PCDHGA12: variants seen among roughly 807,000 people sequenced by gnomAD.
PCDHGA12 encodes the protein protocadherin gamma subfamily A, 12, also known as protocadherin gamma-A12.
In PCDHGA12, 43 loss-of-function variants were observed where a neutral mutation model predicts 61.1. The observed-to-expected ratio is 0.70, with a 90% CI of 0.55 to 0.91. The LOEUF is 0.91. Ranked by LOEUF, PCDHGA12 falls within the 40% of genes least tolerant of loss-of-function variation. The probability of loss-of-function intolerance (pLI) is 0.00; values close to 1 mark genes in which losing one functional copy is unlikely to be tolerated. For synonymous variants in PCDHGA12, 520 were observed against 542.9 expected, an observed-to-expected ratio of 0.96 and a Z score of 0.59; for missense variants, 1,236 against 1,227.7, an observed-to-expected ratio of 1.01 and a Z score of -0.10.
chr5:141,450,454 G>A (rs144071286), intron 1 of PCDHGA12, among the ~76,000 whole-genome samples: 3,498 of 151,958 alleles, frequency 0.023, 60 homozygotes, highest in Middle Eastern at 0.051. Flanking sequence ...ATGTTTCCTC[G>A]TGATTTTATA....
intron 1 of PCDHGA12, among the ~76,000 whole-genome samples, chr5:141,474,085 AAAAC>A (rs937548165): frequency 1.3e-5 from 2 of 152,188 alleles, no homozygotes; most frequent in African/African-American, 4.8e-5. Flanking sequence ...CAAAAACCAA[AAAAC>A]AAACAACAAC....
chr5:141,506,459 A>G (rs1159808052), intron 3 of PCDHGA12, among the ~76,000 whole-genome samples: 4 of 151,918 alleles, frequency 2.6e-5, no homozygotes, highest in Non-Finnish European at 4.4e-5. Context: ...AAAAAAAAAA[A>G]AAAAAAGAGC....
chr5:141,489,111 C>G lies in PCDHGA12; in HGVS notation c.2425-5696C>G. 1.9e-6 allele frequency: 1 copy of G among 518,042 alleles called. No individual in the cohort carries two copies. Among genetic ancestry groups the G allele is most frequent in the Non-Finnish European group, 3.2e-6 (1 of 308,182 alleles). The allele number at this position is 518,042 out of a possible 1,614,324, so 32.1% of individuals were successfully genotyped here. The stretch of plus-strand genomic sequence containing the variant: ...GTGACTAAGAACTGCTGCAAGCAGG[C>G]AAACCTCCGAGCAGTTTTTAAGAGG... On this transcript the variant is annotated intron_variant, in intron 1 of 3. Coordinates refer to ENST00000252085, the MANE Select transcript of PCDHGA12 (RefSeq NM_003735.3). This position sits in a 1 kb window ranked among gnomAD's most constrained non-coding sequence, Gnocchi z 4.5.
rs887814386 is a variant in PCDHGA12, at chr5:141,431,347, G to A, written c.588G>A (p.Leu196=). The A allele has an allele frequency of 1.9e-6, 3 of 1,614,098 alleles. No individual in the cohort carries two copies. The highest frequency in any genetic ancestry group is 2.5e-6 in the Non-Finnish European group (3 of 1,180,036). Residue 196 remains leucine, a synonymous_variant, in exon 1 of 4, where the codon CTG becomes CTA. Coordinates refer to ENST00000252085, the MANE Select transcript of PCDHGA12 (RefSeq NM_003735.3). This position sits in a 1 kb window ranked among gnomAD's most constrained non-coding sequence, Gnocchi z 4.8. ...ADGSKYPELV[L]KRALDREEKA... is the part of the protein sequence containing the mutation. ...GTAGTAAGTACCCCGAATTGGTGCT[G>A]AAACGCGCCCTGGACCGCGAAGAAA...
chr5:141,491,199 C>T lies in PCDHGA12; in HGVS notation c.2425-3608C>T. ...TGGTCCTGGTGAGGGACAATGGTGA[C>T]CCTTCACTCTCCTCCACAGCCACAG... On this transcript the variant is annotated intron_variant, in intron 1 of 3. Coordinates refer to ENST00000252085, the MANE Select transcript of PCDHGA12 (RefSeq NM_003735.3). The surrounding 1 kb of genome is among the most constrained non-coding windows in gnomAD (Gnocchi z 6.9). 1 of 1,614,190 alleles carries T rather than the reference C, an allele frequency of 6.2e-7. No homozygotes were observed. Among genetic ancestry groups the T allele is most frequent in the South Asian group, 1.1e-5 (1 of 91,086 alleles).
chr5:141,456,139 C>T (rs999574407), intron 1 of PCDHGA12, among the ~76,000 whole-genome samples: 20 of 152,010 alleles, frequency 1.3e-4, no homozygotes, highest in Admixed American at 9.8e-4. Context: ...CCTCCTGATC[C>T]GCCCGCCTCG....
In PCDHGA12 at chr5:141,493,269, C is replaced by T. The variant is rs142898207; in HGVS notation, c.2425-1538C>T. ...ACATGCCTCTCTTATAACAGCTTCA[C>T]AGAGGTCAAGTGACTTGCTCAAGTT... is the stretch of plus-strand genomic sequence containing the variant. On this transcript the variant is annotated intron_variant, in intron 1 of 3. Coordinates refer to ENST00000252085, the MANE Select transcript of PCDHGA12 (RefSeq NM_003735.3). This position sits in a 1 kb window ranked among gnomAD's most constrained non-coding sequence, Gnocchi z 4.3. Among the ~76,000 whole-genome samples the T allele has an allele frequency of 1.3e-5, 2 of 152,322 alleles. No individual in the cohort carries two copies. The highest frequency in any genetic ancestry group is 4.8e-5 in the African/African-American group (2 of 41,570).
chr5:141,439,013 A>T lies in PCDHGA12; in HGVS notation c.2424+5830A>T, dbSNP rs2098082221. 1.3e-5 allele frequency among the ~76,000 whole-genome samples: 2 copies of T among 151,700 alleles called. 1 individual carries two copies. The highest frequency in any genetic ancestry group is 1.3e-4 in the Admixed American group (2 of 15,214). On this transcript the variant is annotated intron_variant, in intron 1 of 3. Transcript: ENST00000252085. ...GGCTAAGGACCTGGTTTGTTTGTCA[A>T]ATTTTGAAAATAGATGCCTCAGTTC...
intron 1 of PCDHGA12, among the ~76,000 whole-genome samples, chr5:141,488,225 T>G (rs2099673126): frequency 6.6e-6 from 1 of 152,136 alleles, no homozygotes. Flanking sequence ...CTACTGGGGA[T>G]TTGAACTAGA....
intron 1 of PCDHGA12, among the ~76,000 whole-genome samples, chr5:141,473,191 G>A (rs28479996): frequency 0.019 from 2,957 of 152,242 alleles, 87 homozygotes; most frequent in African/African-American, 0.062. Context: ...AGGAGTAAAT[G>A]TATCTTCTAA....
chr5:141,431,560 C>T lies in PCDHGA12; in HGVS notation c.801C>T (p.Thr267=), dbSNP rs751276470. Residue 267 remains threonine, a synonymous_variant, in exon 1 of 4, where the codon ACC becomes ACT. Coordinates refer to ENST00000252085, the MANE Select transcript of PCDHGA12 (RefSeq NM_003735.3). This position sits in a 1 kb window ranked among gnomAD's most constrained non-coding sequence, Gnocchi z 4.8. ...LGTQLLVVNA[T]DPDEGVNAEV... is the part of the protein sequence containing the mutation. ...CGCAGCTGCTTGTAGTCAACGCTAC[C>T]GACCCTGACGAAGGAGTCAATGCGG... The T allele has an allele frequency of 6.2e-7, 1 of 1,614,104 alleles. No individual in the cohort carries two copies. The highest frequency in any genetic ancestry group is 1.7e-5 in the Admixed American group (1 of 60,036).
In PCDHGA12 at chr5:141,510,834, G is replaced by A. The variant is rs1043468083; in HGVS notation, c.2573-113G>A. 49 of 1,581,762 alleles carry A rather than the reference G, an allele frequency of 3.1e-5. 1 individual carries two copies. The highest frequency in any genetic ancestry group is 4.0e-5 in the Non-Finnish European group (46 of 1,161,670). On this transcript the variant is annotated intron_variant, in intron 3 of 3. Coordinates refer to ENST00000252085, the MANE Select transcript of PCDHGA12 (RefSeq NM_003735.3). ...GACCCCTATATTCCCAGTGCTCAGC[G>A]TGGTCAAGGCCCAGGGTGCTGTATA...
chr5:141,466,118 G>A lies in PCDHGA12; in HGVS notation c.2425-28689G>A, dbSNP rs1299389265. ...GCCTGGGCAACAGAGTGAGACTCCA[G>A]CTCAAAAAAAAAATCAAGTGAAAAC... On this transcript the variant is annotated intron_variant, in intron 1 of 3. Coordinates refer to ENST00000252085, the MANE Select transcript of PCDHGA12 (RefSeq NM_003735.3). Among the ~76,000 whole-genome samples the A allele has an allele frequency of 2.0e-5, 3 of 151,096 alleles. No individual in the cohort carries two copies. The East Asian group carries it at 5.8e-4, about 29-fold the overall frequency.
At chr5:141,450,815 A>ATTAT (rs1554136868) in intron 1 of PCDHGA12, among the ~76,000 whole-genome samples, 98 of 126,742 alleles carry the variant, frequency 7.7e-4, no homozygotes, top group African/African-American at 3.1e-3. Flanking sequence ...TATTTATTTA[A>ATTAT]TATTATTATT....
chr5:141,437,978 C>T (rs1014157103), intron 1 of PCDHGA12, among the ~76,000 whole-genome samples: 2 of 152,212 alleles, frequency 1.3e-5, no homozygotes, highest in East Asian at 1.9e-4. Context: ...TCTTGGGATG[C>T]ACCCACCCCA....
At position 141,491,825 on chromosome 5, in the gene PCDHGA12, C is replaced by A. The variant is rs948385010; in HGVS notation, c.2425-2982C>A. ...CGGCTTGGTCGCTGGCTGCGCTCCA[C>A]CCGATTCTCGGGATCATTGGACCGT... On this transcript the variant is annotated intron_variant, in intron 1 of 3. Coordinates refer to ENST00000252085, the MANE Select transcript of PCDHGA12 (RefSeq NM_003735.3). This position sits in a 1 kb window ranked among gnomAD's most constrained non-coding sequence, Gnocchi z 6.9. 145 of 1,478,052 alleles carry A rather than the reference C, an allele frequency of 9.8e-5. No homozygotes were observed. Among genetic ancestry groups the A allele is most frequent in the Non-Finnish European group, 1.3e-4 (142 of 1,114,822 alleles). 91.6% of individuals were successfully genotyped at this position (1,478,052 alleles called of 1,614,324 possible). A position where few individuals can be genotyped will look rare whatever the true frequency, so the allele number is the denominator to read the frequency against.
chr5:141,500,484 C>T (rs2099800696), intron 2 of PCDHGA12, among the ~76,000 whole-genome samples: 1 of 152,304 alleles, frequency 6.6e-6, no homozygotes, highest in Non-Finnish European at 1.5e-5. Context: ...GCTGGGATTA[C>T]AGGCGTGAGC....
Position 141,489,517 on chromosome 5 carries a change from G to C in PCDHGA12, c.2425-5290G>C. The C allele has an allele frequency of 6.2e-7, 1 of 1,614,136 alleles. No individual in the cohort carries two copies. Among genetic ancestry groups the C allele is most frequent in the Non-Finnish European group, 8.5e-7 (1 of 1,180,044 alleles). On this transcript the variant is annotated intron_variant, in intron 1 of 3. Transcript: ENST00000252085. The surrounding 1 kb of genome is among the most constrained non-coding windows in gnomAD (Gnocchi z 4.5). ...GGCAGTGAATCAAAAGATTGACCGA[G>C]AAAGCCTATGTGGAGCCAGCACCAG...
chr5:141,449,471 G>A (rs1261821886), intron 1 of PCDHGA12, among the ~76,000 whole-genome samples: 1 of 151,060 alleles, frequency 6.6e-6, no homozygotes, highest in African/African-American at 2.4e-5. Flanking sequence ...GCCAGGCCTG[G>A]TACCCCATGC....
Sources: allele counts gnomAD v4.1 joint callset (sites outside exome capture counted in the v4.1 genomes callset), GRCh38; gene constraint gnomAD v4.1.1; non-coding constraint Gnocchi (gnomAD v3.1); transcripts MANE v1.5; gene names NCBI Gene and HGNC (gene_info 2026-07-23, HGNC 2026-07-21).